USP31: variants seen among roughly 807,000 people sequenced by gnomAD.
USP31 encodes the protein ubiquitin specific peptidase 31, also known as ubiquitin carboxyl-terminal hydrolase 31.
Under a neutral mutation model 119.4 loss-of-function variants are expected in USP31, and 44 were observed. The observed-to-expected ratio is 0.37, with a 90% CI of 0.29 to 0.47. The LOEUF (loss-of-function observed/expected upper bound fraction) is 0.47. USP31 is among the 20% of genes least tolerant of loss of function. The pLI is 0.99. For synonymous variants in USP31, 749 were observed against 705.6 expected (o/e 1.06, Z -0.97); for missense variants, 1,643 against 1,730.2 (o/e 0.95, Z 0.89).
chr16:23,106,019 T>A (rs539579184), intron 4 of USP31, among the ~76,000 whole-genome samples, 194 bp downstream of exon 4: 1 of 152,318 alleles, frequency 6.6e-6, no homozygotes, highest in Non-Finnish European at 1.5e-5. Context: ...CAGCCCCTGC[T>A]TGCCTCATGT....
At chr16:23,112,620 T>C (rs1456732923) in intron 1 of USP31, among the ~76,000 whole-genome samples, 2 of 152,098 alleles carry the variant, frequency 1.3e-5, no homozygotes, top group Non-Finnish European at 2.9e-5. Flanking sequence ...TATTCCATCT[T>C]GAAATGGTTT....
intron 1 of USP31, among the ~76,000 whole-genome samples, chr16:23,135,289 G>T (rs1903155421): frequency 6.6e-6 from 1 of 152,076 alleles, no homozygotes; most frequent in Non-Finnish European, 1.5e-5. Flanking sequence ...AACAAGACAA[G>T]GATGCCTACT....
chr16:23,126,199 T>C (rs1902847358), intron 1 of USP31, among the ~76,000 whole-genome samples: 1 of 151,342 alleles, frequency 6.6e-6, no homozygotes, highest in Admixed American at 6.6e-5. Context: ...GGCAGGCACC[T>C]GTTGTCCCAG....
chr16:23,084,938 A>G lies in USP31; in HGVS notation c.1752T>C (p.Arg584=), dbSNP rs747267929. The G allele has an allele frequency of 3.7e-6, 6 of 1,614,056 alleles. No homozygotes were observed. The highest frequency in any genetic ancestry group is 5.1e-6 in the Non-Finnish European group (6 of 1,180,048). ...GCTGATGATGACGCTCCCTTTGCAG[A>G]CGAACACTTTCTGCATCAGGAATAT... The part of the protein sequence containing the change: ...DEYIPDAESV[R]LQRERHHQPQ... Residue 584 remains arginine, a synonymous_variant, in exon 11 of 16, where the codon CGT becomes CGC. Transcript: ENST00000219689.
chr16:23,073,798 G>A lies in USP31; in HGVS notation c.2259C>T (p.Cys753=), dbSNP rs751084270. 2 of 1,614,118 alleles carry A rather than the reference G, an allele frequency of 1.2e-6. No individual in the cohort carries two copies. The highest frequency in any genetic ancestry group is 4.5e-5 in the East Asian group (2 of 44,876). The change falls in exon 14 of 16, where the codon TGC becomes TGT. Residue 753 remains cysteine (C), a synonymous_variant. Coordinates refer to ENST00000219689, the MANE Select transcript of USP31 (RefSeq NM_020718.4). ...AGAAGAGGATGTATGCTGTCTGCGT[G>A]CAGACCTCATCTTCTGACAGCTGCT... ...DVQQLSEDEV[C]TQTAYILFYQ... is the part of the protein sequence containing the mutation.
intron 1 of USP31, among the ~76,000 whole-genome samples, chr16:23,126,089 G>A (rs1171275321): frequency 6.6e-6 from 1 of 151,928 alleles, no homozygotes; most frequent in Non-Finnish European, 1.5e-5. Flanking sequence ...GCCGAGACGT[G>A]AGGATCACTT....
chr16:23,149,390 A>T lies in USP31; in HGVS notation c.-120T>A, dbSNP rs1234447172. On this transcript the variant is annotated 5_prime_UTR_variant, in exon 1 of 16. Transcript: ENST00000219689. ...GGCCCGGGGGCTCGACGCCCCACAC[A>T]CCTCAAAGCGCAGCCGAGCCAGCGA... 2 of 945,830 alleles carry T rather than the reference A, an allele frequency of 2.1e-6. No homozygotes were observed. Among genetic ancestry groups the T allele is most frequent in the East Asian group, 2.4e-4 (2 of 8,338 alleles). The allele number at this position is 945,830 out of a possible 1,614,324, so 58.6% of individuals were successfully genotyped here.
chr16:23,145,564 A>C (rs985350198), intron 1 of USP31, among the ~76,000 whole-genome samples: 2 of 152,162 alleles, frequency 1.3e-5, no homozygotes, highest in Non-Finnish European at 2.9e-5. Flanking sequence ...TTCTGGAAGA[A>C]TTTTTATTTC....
intron 9 of USP31, among the ~76,000 whole-genome samples, chr16:23,085,980 C>A (rs1457012520): frequency 6.6e-6 from 1 of 152,092 alleles, no homozygotes; most frequent in Non-Finnish European, 1.5e-5. Flanking sequence ...CAATTTCTTG[C>A]CCAATTTTTC....
At chr16:23,114,416 C>G (rs1165166627) in intron 1 of USP31, among the ~76,000 whole-genome samples, 1 of 150,518 alleles carries the variant, frequency 6.6e-6, no homozygotes, top group Admixed American at 6.6e-5. Context: ...GTCCTGAATC[C>G]TCTCTCTTAA....
chr16:23,135,321 A>G (rs776430139), intron 1 of USP31, among the ~76,000 whole-genome samples: 2 of 152,194 alleles, frequency 1.3e-5, no homozygotes, highest in African/African-American at 2.4e-5. Context: ...TATTCAACAT[A>G]GTATGAAAAG....
intron 5 of USP31, among the ~76,000 whole-genome samples, chr16:23,104,998 T>C (rs921668660): frequency 6.6e-6 from 1 of 152,192 alleles, no homozygotes; most frequent in Non-Finnish European, 1.5e-5. Context: ...GTATTGAGCA[T>C]CTATTACGTA....
intron 1 of USP31, among the ~76,000 whole-genome samples, chr16:23,114,319 G>A (rs536638526): frequency 6.6e-5 from 10 of 152,204 alleles, no homozygotes; most frequent in African/African-American, 2.2e-4. Context: ...CAACTGCCAA[G>A]AAGAGCTCTT....
intron 1 of USP31, among the ~76,000 whole-genome samples, chr16:23,124,006 A>C (rs977367556): frequency 6.6e-6 from 1 of 152,090 alleles, no homozygotes; most frequent in African/African-American, 2.4e-5. Flanking sequence ...CTCAAAAAAA[A>C]AAAGAAGAAA....
intron 6 of USP31, among the ~76,000 whole-genome samples, chr16:23,101,107 T>C (rs1480857206): frequency 1.3e-5 from 2 of 152,134 alleles, no homozygotes; most frequent in African/African-American, 4.8e-5. Flanking sequence ...ATCAGAACTG[T>C]GTATTAGAAT....
chr16:23,118,511 A>G (rs1018654296), intron 1 of USP31, among the ~76,000 whole-genome samples: 10 of 152,130 alleles, frequency 6.6e-5, no homozygotes, highest in African/African-American at 2.4e-4. Context: ...GAACGAACAC[A>G]GCCACACTGG....
intron 11 of USP31, among the ~76,000 whole-genome samples, chr16:23,083,952 C>T (rs1021748542): frequency 3.9e-5 from 6 of 152,092 alleles, no homozygotes; most frequent in African/African-American, 1.4e-4. Context: ...CAGAGCCATC[C>T]AGAGAAAACA....
rs555207280 is a variant in USP31, at chr16:23,062,984, A to G, written c.*5062T>C. On this transcript the variant is annotated 3_prime_UTR_variant, in exon 16 of 16. Coordinates refer to ENST00000219689, the MANE Select transcript of USP31 (RefSeq NM_020718.4). ...GTGGTTCTCAATCTGTCTGCAAATT[A>G]GAAACACCCAGAAGCTTTTAAAATA... The G allele has an allele frequency of 6.5e-6, 1 of 152,748 alleles. No homozygotes were observed. The highest frequency in any genetic ancestry group is 6.5e-5 in the Admixed American group (1 of 15,308). The allele number at this position is 152,748 out of a possible 1,614,324, so 9.5% of individuals were successfully genotyped here.
chr16:23,118,979 A>C (rs1902582652), intron 1 of USP31, among the ~76,000 whole-genome samples: 1 of 152,152 alleles, frequency 6.6e-6, no homozygotes, highest in African/African-American at 2.4e-5. Flanking sequence ...TCTCAAAAAA[A>C]TAATAAAATA....
Sources: gnomAD v4.1 joint callset for allele counts (sites outside exome capture counted in the v4.1 genomes callset) on GRCh38, gnomAD v4.1.1 for gene constraint, MANE v1.5 for transcripts, NCBI Gene and HGNC (gene_info 2026-07-23, HGNC 2026-07-21) for gene names.